Variants in ABHD12 observed in about 807,000 individuals in gnomAD.
ABHD12 encodes the protein abhydrolase domain containing 12, lysophospholipase, also known as lysophosphatidylserine lipase ABHD12.
ABHD12 carries 43 observed loss-of-function variants against 58.3 expected under a neutral mutation model. The ratio of observed to expected loss-of-function variants is 0.74; its 90% CI spans 0.58 to 0.95. The LOEUF (loss-of-function observed/expected upper bound fraction) is 0.95. Among genes scored for constraint, ABHD12 ranks in the 40% least tolerant of loss-of-function variants. The pLI is 0.00. For missense variants in ABHD12, 539 were observed against 537.2 expected (o/e 1.00, Z -0.03); for synonymous variants, 219 against 211.2 (o/e 1.04, Z -0.32).
intron 1 of ABHD12, among the ~76,000 whole-genome samples, chr20:25,357,136 C>A (rs563966136): frequency 1.6e-3 from 237 of 152,288 alleles, no homozygotes; most frequent in African/African-American, 5.5e-3. Flanking sequence ...GGTCCAGGAC[C>A]CTGTGCCCCA....
intron 1 of ABHD12, among the ~76,000 whole-genome samples, chr20:25,372,319 C>T (rs1188148235): frequency 1.3e-5 from 2 of 152,064 alleles, no homozygotes; most frequent in African/African-American, 4.8e-5. Context: ...TCCCAAGTAG[C>T]TAGGACCACA....
At chr20:25,389,714 C>A (rs1238725434) in intron 1 of ABHD12, among the ~76,000 whole-genome samples, 2 of 152,220 alleles carry the variant, frequency 1.3e-5, no homozygotes, top group Admixed American at 6.5e-5. Flanking sequence ...AATAACCAAA[C>A]GACTCAGGAC....
intron 2 of ABHD12, among the ~76,000 whole-genome samples, chr20:25,334,977 C>T (rs1175523973): frequency 1.3e-5 from 2 of 152,174 alleles, no homozygotes; most frequent in African/African-American, 4.8e-5. Context: ...AACTAAAGAG[C>T]TTCTGCACAG....
chr20:25,379,683 A>G lies in ABHD12; in HGVS notation c.191+10830T>C, dbSNP rs2089999792. 1.3e-5 allele frequency among the ~76,000 whole-genome samples: 2 copies of G among 152,224 alleles called. 1 individual carries two copies. Among genetic ancestry groups the G allele is most frequent in the South Asian group, 4.1e-4 (2 of 4,836 alleles). ...CAATTATGATATCATAATTATCAAT[A>G]TAATAGGCTGCTTGAAGTTATCCTA... On this transcript the variant is annotated intron_variant, in intron 1 of 12. Transcript: ENST00000339157.
intron 1 of ABHD12, among the ~76,000 whole-genome samples, chr20:25,346,531 A>T (rs1473309753): frequency 6.6e-6 from 1 of 152,210 alleles, no homozygotes; most frequent in Non-Finnish European, 1.5e-5. Context: ...ATTGCAGTGC[A>T]GGATGTGGAT....
intron 1 of ABHD12, chr20:25,368,695 A>C: frequency 7.3e-7 from 1 of 1,364,136 alleles, no homozygotes; most frequent in Admixed American, 1.7e-5. Context: ...CTTGTCTGCA[A>C]ACAGGTTGAA....
intron 3 of ABHD12, among the ~76,000 whole-genome samples, chr20:25,321,152 G>C (rs751063999): frequency 6.6e-6 from 1 of 152,196 alleles, no homozygotes; most frequent in Non-Finnish European, 1.5e-5. Flanking sequence ...CTTTTGGGAT[G>C]GTTCTAGTCA....
At chr20:25,346,016 G>T (rs1249519001) in intron 1 of ABHD12, among the ~76,000 whole-genome samples, 2 of 152,052 alleles carry the variant, frequency 1.3e-5, no homozygotes, top group Admixed American at 1.3e-4. Flanking sequence ...ATTAATAACT[G>T]CCAAGAGTCT....
chr20:25,326,996 G>C (rs1321174714), intron 2 of ABHD12, among the ~76,000 whole-genome samples: 1 of 152,166 alleles, frequency 6.6e-6, no homozygotes, highest in African/African-American at 2.4e-5. Context: ...CATGCAAGCC[G>C]TGGATCCCCA....
intron 8 of ABHD12, 29 bp downstream of exon 8, chr20:25,308,428 C>A (rs1179487834): frequency 6.2e-7 from 1 of 1,608,086 alleles, no homozygotes. Context: ...ATGCTCACTG[C>A]CACGGCTGGG....
At position 25,308,038 on chromosome 20, in the gene ABHD12, A is replaced by T; in HGVS notation, c.795T>A (p.Pro265=). The part of the protein sequence containing the change: ...LVRRLCERET[P]PDALILESPF... ...GAGATTCCAATATAAGGGCATCTGGAGGCGTCTCTAGATAAACAAACAGGG... is the reference window on the plus strand; with the variant it reads ...GAGATTCCAATATAAGGGCATCTGGTGGCGTCTCTAGATAAACAAACAGGG... Residue 265 remains proline, a synonymous_variant, in exon 9 of 13, where the codon CCT becomes CCA. Coordinates refer to ENST00000339157, the MANE Select transcript of ABHD12 (RefSeq NM_001042472.3). The T allele has an allele frequency of 3.7e-6, 6 of 1,601,118 alleles. No homozygotes were observed. Among genetic ancestry groups the T allele is most frequent in the Non-Finnish European group, 5.1e-6 (6 of 1,168,116 alleles).
At chr20:25,325,191 G>A (rs1156489705) in intron 2 of ABHD12, among the ~76,000 whole-genome samples, 1 of 116,504 alleles carries the variant, frequency 8.6e-6, no homozygotes, top group Non-Finnish European at 1.6e-5. Flanking sequence ...GAGTGACAGA[G>A]AGACCCTGTT....
intron 6 of ABHD12, among the ~76,000 whole-genome samples, chr20:25,314,521 CA>C (rs1356563335): frequency 1.3e-5 from 2 of 151,824 alleles, no homozygotes; most frequent in Admixed American, 6.6e-5. Flanking sequence ...CTACTAAAAA[CA>C]AAAACAAAAC....
chr20:25,349,289 G>C (rs556769348), intron 1 of ABHD12, among the ~76,000 whole-genome samples: 1 of 152,078 alleles, frequency 6.6e-6, no homozygotes, highest in Non-Finnish European at 1.5e-5. Flanking sequence ...GAATCAGGTA[G>C]GAATATAAAA....
At chr20:25,334,757 G>A (rs2089334974) in intron 2 of ABHD12, among the ~76,000 whole-genome samples, 5 of 149,508 alleles carry the variant, frequency 3.3e-5, no homozygotes, top group Admixed American at 3.3e-4. Flanking sequence ...GCCATATGTA[G>A]AAAGCTGAAA....
chr20:25,365,729 T>G (rs1207839536), intron 1 of ABHD12, among the ~76,000 whole-genome samples: 1 of 152,238 alleles, frequency 6.6e-6, no homozygotes, highest in African/African-American at 2.4e-5. Flanking sequence ...AAATGGCATC[T>G]TGGTGTAGTT....
At chr20:25,295,707 G>A (rs2258728), downstream of ABHD12, 696,116 of 1,573,822 alleles carry the variant, frequency 0.44, 160,847 homozygotes, top group East Asian at 0.92. Flanking sequence ...GGGAGCAGCT[G>A]GGTGGGTCCA....
chr20:25,307,768 G>A (rs2088772268), intron 9 of ABHD12, among the ~76,000 whole-genome samples, 198 bp downstream of exon 9: 1 of 152,214 alleles, frequency 6.6e-6, no homozygotes, highest in African/African-American at 2.4e-5. Flanking sequence ...ATTATGACCT[G>A]TCATTTCACC....
At chr20:25,299,493 C>CA (rs562256712), downstream of ABHD12, among the ~76,000 whole-genome samples, 5,000 of 139,236 alleles carry the variant, frequency 0.036, 233 homozygotes, top group African/African-American at 0.11. Flanking sequence ...TTACATAGAC[C>CA]AAAAAAAAAA....
Sources: gnomAD v4.1 joint callset for allele counts (sites outside exome capture counted in the v4.1 genomes callset) on GRCh38, gnomAD v4.1.1 for gene constraint, MANE v1.5 for transcripts, NCBI Gene and HGNC (gene_info 2026-07-23, HGNC 2026-07-21) for gene names.